Variants in IKZF2 observed in about 807,000 individuals in gnomAD.
IKZF2 encodes zinc finger protein Helios.
Under a neutral mutation model 49.2 loss-of-function variants are expected in IKZF2, and 15 were observed. The ratio of observed to expected loss-of-function variants is 0.30; its 90% CI spans 0.20 to 0.47. The LOEUF is 0.47. IKZF2 is among the 20% of genes least tolerant of loss of function. The probability of loss-of-function intolerance (pLI) is 1.00; values close to 1 mark genes in which losing one functional copy is unlikely to be tolerated. For missense variants in IKZF2, 567 were observed against 664.6 expected (o/e 0.85, Z 1.61); for synonymous variants, 227 against 221.4 (o/e 1.03, Z -0.23).
At chr2:213,149,742 C>T (rs1445850651) in intron 2 of IKZF2, among the ~76,000 whole-genome samples, 1 of 151,310 alleles carries the variant, frequency 6.6e-6, no homozygotes, top group Non-Finnish European at 1.5e-5. Flanking sequence ...CTTCCCTTCT[C>T]CCTCCCCTCC....
In IKZF2 at chr2:213,084,981, C is replaced by T. The variant is rs140517576; in HGVS notation, c.140-27882G>A. ...TCCTAACAGAATAGTGAATCTACACCGCAAATATAATTTAACTGTCACTTC... is the reference window on the plus strand; with the variant it reads ...TCCTAACAGAATAGTGAATCTACACTGCAAATATAATTTAACTGTCACTTC... On this transcript the variant is annotated intron_variant, in intron 4 of 8. Coordinates refer to ENST00000434687, the MANE Select transcript of IKZF2 (RefSeq NM_001387220.1). Among the ~76,000 whole-genome samples, 421 of 152,214 alleles carry T rather than the reference C, an allele frequency of 2.8e-3. 2 individuals carry two copies. Among genetic ancestry groups the T allele is most frequent in the African/African-American group, 5.6e-3 (234 of 41,548 alleles).
chr2:213,106,820 TTAAG>T (rs940662929), intron 4 of IKZF2, among the ~76,000 whole-genome samples: 18 of 152,110 alleles, frequency 1.2e-4, no homozygotes, highest in African/African-American at 4.3e-4. Flanking sequence ...GATGAACACA[TTAAG>T]TAATACATAT....
intron 6 of IKZF2, among the ~76,000 whole-genome samples, chr2:213,034,878 G>A (rs2125215127): frequency 6.6e-6 from 1 of 152,260 alleles, no homozygotes; most frequent in South Asian, 2.1e-4. Flanking sequence ...GTGCAATAAA[G>A]TAAGGCACAA....
At chr2:213,040,330 G>T (rs181453196) in intron 6 of IKZF2, among the ~76,000 whole-genome samples, 1 of 149,146 alleles carries the variant, frequency 6.7e-6, no homozygotes, top group Non-Finnish European at 1.5e-5. Context: ...TCTCTCCTTC[G>T]TCCCACCCTC....
At chr2:213,030,212 T>C (rs890836399) in intron 6 of IKZF2, among the ~76,000 whole-genome samples, 2 of 152,178 alleles carry the variant, frequency 1.3e-5, no homozygotes, top group Non-Finnish European at 2.9e-5. Context: ...TTTACTGTTT[T>C]AAGTTTTAAA....
intron 6 of IKZF2, among the ~76,000 whole-genome samples, chr2:213,032,528 G>A (rs944661740): frequency 6.6e-6 from 1 of 152,258 alleles, no homozygotes; most frequent in East Asian, 1.9e-4. Flanking sequence ...AAGCCCAGGA[G>A]TTCTAGACCA....
Position 213,148,636 on chromosome 2 carries a change from A to C in IKZF2, c.-7T>G. 4 of 1,611,220 alleles carry C rather than the reference A, an allele frequency of 2.5e-6. No individual in the cohort carries two copies. Among genetic ancestry groups the C allele is most frequent in the Non-Finnish European group, 3.4e-6 (4 of 1,177,440 alleles). ...CAATAGCCTCTGTTTCCATAGTCAA[A>C]GTGCAATGCTGCAAAACAAAAGATT... On this transcript the variant is annotated 5_prime_UTR_variant, in exon 3 of 9. Coordinates refer to ENST00000434687, the MANE Select transcript of IKZF2 (RefSeq NM_001387220.1).
intron 1 of IKZF2, among the ~76,000 whole-genome samples, chr2:213,150,714 C>T (rs996266721): frequency 8.5e-4 from 21 of 24,802 alleles, no homozygotes; most frequent in Non-Finnish European, 1.3e-3. Flanking sequence ...GGGGGGGGGG[C>T]GGGTAGAGGG....
At chr2:213,117,801 T>C (rs1329489996) in intron 4 of IKZF2, among the ~76,000 whole-genome samples, 1 of 152,238 alleles carries the variant, frequency 6.6e-6, no homozygotes, top group Non-Finnish European at 1.5e-5. Flanking sequence ...ATAATACTAT[T>C]AACCCTACTA....
intron 4 of IKZF2, among the ~76,000 whole-genome samples, chr2:213,122,391 C>T (rs902892293): frequency 1.3e-5 from 2 of 152,194 alleles, no homozygotes; most frequent in Non-Finnish European, 2.9e-5. Flanking sequence ...GAATTAGAGT[C>T]GCAGGCTCCT....
intron 4 of IKZF2, among the ~76,000 whole-genome samples, chr2:213,136,370 C>CAAAAAAAAAAAAAAAAAA (rs11325415): frequency 1.1e-4 from 6 of 53,598 alleles, no homozygotes; most frequent in African/African-American, 1.4e-4. Context: ...GACACTGTCT[C>CAAAAAAAAAAAAAAAAAA]AAAAAAAAAA....
At chr2:213,121,229 C>T (rs1440090673) in intron 4 of IKZF2, among the ~76,000 whole-genome samples, 6 of 152,024 alleles carry the variant, frequency 3.9e-5, no homozygotes, top group East Asian at 3.8e-4. Flanking sequence ...TTTCTGATTC[C>T]GTTTCTATTA....
intron 4 of IKZF2, among the ~76,000 whole-genome samples, chr2:213,058,012 T>C (rs1228827502): frequency 1.3e-5 from 2 of 152,162 alleles, no homozygotes; most frequent in African/African-American, 4.8e-5. Flanking sequence ...CAGTTTTTTA[T>C]CCAGTAATAT....
rs1057262487 is a variant in IKZF2, at chr2:213,001,454, A to G, written c.*5906T>C. The G allele has an allele frequency of 1.3e-5, 2 of 151,848 alleles. No individual in the cohort carries two copies. The highest frequency in any genetic ancestry group is 4.8e-5 in the African/African-American group (2 of 41,408). The allele number at this position is 151,848 out of a possible 1,614,324, so 9.4% of individuals were successfully genotyped here. ...AGCAAACATACTATAATAGGATTAC[A>G]TAATCTCTGAAGTAATGTTTTAGGT... On this transcript the variant is annotated 3_prime_UTR_variant, in exon 9 of 9. Transcript: ENST00000434687.
In IKZF2 at chr2:213,040,963, C is replaced by G. The variant is rs866528372; in HGVS notation, c.574+8750G>C. ...TGAAACCCCGTCTCTACTAAAAATA[C>G]AAAAATTAGTTGGGCGTGGTGGTGC... is the stretch of plus-strand genomic sequence containing the variant. On this transcript the variant is annotated intron_variant, in intron 6 of 8. Coordinates refer to ENST00000434687, the MANE Select transcript of IKZF2 (RefSeq NM_001387220.1). Among the ~76,000 whole-genome samples, 7 of 152,002 alleles carry G rather than the reference C, an allele frequency of 4.6e-5. No individual in the cohort carries two copies. In the South Asian group the frequency reaches 1.2e-3, roughly 27 times the overall value.
rs781286908 is a variant in IKZF2, at chr2:213,007,545, C to T, written c.1396G>A (p.Glu466Lys). The change falls in exon 9 of 9, where the codon GAA becomes AAA. Residue 466 changes from glutamate to lysine, a missense_variant. Physicochemically the swap from Glu to Lys is moderately conservative, Grantham distance 56 (BLOSUM62 1). Around this residue, in one of 5 missense-constraint regions of IKZF2, gnomAD observed 310 missense variants for 326.9 expected, o/e 0.95. Transcript: ENST00000434687. ...TCACACTTGAAGGCCCTAATCTGTT[C>T]TCCTTCTCCATTGAAGACCTTGTAG... ...DIYKVFNGEG[E>K]QIRAFKCEHC... 1 of 1,613,734 alleles carries T rather than the reference C, an allele frequency of 6.2e-7. No individual in the cohort carries two copies. Among genetic ancestry groups the T allele is most frequent in the Non-Finnish European group, 8.5e-7 (1 of 1,179,726 alleles).
At chr2:213,078,124 TA>T (rs35442526) in intron 4 of IKZF2, among the ~76,000 whole-genome samples, 10 of 151,326 alleles carry the variant, frequency 6.6e-5, no homozygotes, top group East Asian at 1.9e-4. Flanking sequence ...ATGTGTCCTT[TA>T]AAAAAAACAA....
At chr2:213,150,702 AG>A (rs368805396) in intron 1 of IKZF2, among the ~76,000 whole-genome samples, 9,082 of 39,572 alleles carry the variant, frequency 0.23, 294 homozygotes, top group East Asian at 0.34. Context: ...CTGAAAGAAA[AG>A]GGGGGGGGGG....
intron 4 of IKZF2, among the ~76,000 whole-genome samples, chr2:213,118,571 T>C (rs1277445386): frequency 6.6e-6 from 1 of 152,234 alleles, no homozygotes; most frequent in African/African-American, 2.4e-5. Context: ...TAATCAAAGT[T>C]CTTGTTTAGC....
Sources: gnomAD v4.1 joint callset for allele counts (sites outside exome capture counted in the v4.1 genomes callset) on GRCh38, gnomAD v4.1.1 for gene constraint, gnomAD v4.1.1 regional missense constraint, MANE v1.5 for transcripts, NCBI Gene and HGNC (gene_info 2026-07-23, HGNC 2026-07-21) for gene names.